The following ROBO2 variants were observed in gnomAD, a reference collection of about 807,000 sequenced individuals.
The protein encoded by ROBO2 is roundabout guidance receptor 2, also known as roundabout homolog 2.
In ROBO2, 53 loss-of-function variants were observed where a neutral mutation model predicts 160.8. The ratio of observed to expected loss-of-function variants is 0.33; its 90% confidence interval spans 0.26 to 0.41. The LOEUF (loss-of-function observed/expected upper bound fraction) is 0.41. Among genes scored for constraint, ROBO2 ranks in the 10% least tolerant of loss-of-function variants. ROBO2 has a pLI of 1.00. For missense variants in ROBO2, 1,577 were observed against 1,722.4 expected (o/e 0.92, Z 1.49); for synonymous variants, 664 against 611.7 (o/e 1.09, Z -1.26).
chr3:76,481,914 T>A (rs1260610736), intron 2 of ROBO2, among the ~76,000 whole-genome samples: 4 of 152,108 alleles, frequency 2.6e-5, no homozygotes, highest in Non-Finnish European at 5.9e-5. Context: ...AACAGTTACT[T>A]GTTCTCACCA....
At chr3:75,981,192 C>G (rs2065264584) in intron 2 of ROBO2, among the ~76,000 whole-genome samples, 1 of 151,454 alleles carries the variant, frequency 6.6e-6, no homozygotes, top group South Asian at 2.1e-4. Context: ...AGAGCATTAG[C>G]TTCACAGTGG....
intron 13 of ROBO2, among the ~76,000 whole-genome samples, chr3:77,572,636 AAC>A (rs71104692): frequency 0.1 from 14,807 of 146,214 alleles, 850 homozygotes; most frequent in East Asian, 0.15. Flanking sequence ...CGTACATAGA[AAC>A]ACACACACAC....
intron 2 of ROBO2, among the ~76,000 whole-genome samples, chr3:76,086,291 G>A (rs555278499): frequency 5.3e-5 from 8 of 152,180 alleles, no homozygotes; most frequent in East Asian, 1.9e-4. Flanking sequence ...AGGAGAATTC[G>A]CCCACTACCA....
chr3:76,232,283 GAAGAA>G (rs746027940), intron 2 of ROBO2, among the ~76,000 whole-genome samples: 7 of 152,306 alleles, frequency 4.6e-5, no homozygotes, highest in Non-Finnish European at 1.0e-4. Flanking sequence ...CTTGAGAAGA[GAAGAA>G]AAGACTAGAA....
chr3:77,640,096 C>CTTTTTTTTTTTTTTTTTTTT (rs1559785171), intron 24 of ROBO2, among the ~76,000 whole-genome samples: 2 of 97,476 alleles, frequency 2.1e-5, no homozygotes. Context: ...GCAGAGGAAG[C>CTTTTTTTTTTTTTTTTTTTT]ATTTTTTTTT....
At position 77,596,744 on chromosome 3, in the gene ROBO2, C is replaced by T. The variant is rs773193348; in HGVS notation, c.2848C>T (p.Arg950Cys). Residue 950 changes from arginine (R) to cysteine (C), a missense_variant, in exon 19 of 26, where the codon CGT (arginine) becomes TGT (cysteine). Around this residue, in one of 2 missense-constraint regions of ROBO2, gnomAD observed 637 missense variants for 586.9 expected, o/e 1.09. Transcript: ENST00000461745. ...CCCAAATGAGATTGGAAATTTTGGC[C>T]GTGGAGGTAAGTTGTGTTTTTTAAA... is the stretch of plus-strand genomic sequence containing the variant. 49 of 1,612,856 alleles carry T rather than the reference C, an allele frequency of 3.0e-5. No individual in the cohort carries two copies. Among genetic ancestry groups the T allele is most frequent in the South Asian group, 2.6e-4 (24 of 91,042 alleles).
At position 76,219,791 on chromosome 3, in the gene ROBO2, T is replaced by A. The variant is rs914129950; in HGVS notation, c.109+282189T>A. Among the ~76,000 whole-genome samples, 41 of 152,260 alleles carry A rather than the reference T, an allele frequency of 2.7e-4. 1 individual carries two copies. The highest frequency in any genetic ancestry group is 4.6e-4 in the Admixed American group (7 of 15,290). On this transcript the variant is annotated intron_variant, in intron 2 of 26. Coordinates refer to the ROBO2 transcript ENST00000487694. ...TGGCAATTCCTCAGGGATCTAGAAC[T>A]AGAAATACCATTTGACTTAGCCATC...
chr3:77,297,740 T>C (rs7427921), intron 2 of ROBO2, among the ~76,000 whole-genome samples: 5,478 of 152,264 alleles, frequency 0.036, 329 homozygotes, highest in African/African-American at 0.12. Context: ...TTCTAGACGC[T>C]AGTTAACACT....
chr3:76,371,800 A>C (rs1438806549), intron 2 of ROBO2, among the ~76,000 whole-genome samples: 1 of 151,886 alleles, frequency 6.6e-6, no homozygotes, highest in Non-Finnish European at 1.5e-5. Context: ...TATAATATTA[A>C]ATTTACTAAG....
At chr3:76,242,545 T>C in intron 2 of ROBO2, among the ~76,000 whole-genome samples, 1 of 152,122 alleles carries the variant, frequency 6.6e-6, no homozygotes, top group East Asian at 1.9e-4. Flanking sequence ...GCCCTTCATG[T>C]CCCTTCTCCT....
At chr3:77,366,706 C>T (rs963426857) in intron 2 of ROBO2, among the ~76,000 whole-genome samples, 2 of 151,982 alleles carry the variant, frequency 1.3e-5, no homozygotes, top group Admixed American at 6.6e-5. Flanking sequence ...TCTGCTTCCA[C>T]TTATGGCAGA....
At chr3:76,268,236 C>G (rs1433271206) in intron 2 of ROBO2, among the ~76,000 whole-genome samples, 1 of 152,012 alleles carries the variant, frequency 6.6e-6, no homozygotes, top group Non-Finnish European at 1.5e-5. Context: ...TGCCATTGCA[C>G]CCCATCCTGG....
At chr3:76,756,468 A>G (rs2060977195) in intron 2 of ROBO2, among the ~76,000 whole-genome samples, 1 of 151,860 alleles carries the variant, frequency 6.6e-6, no homozygotes, top group Admixed American at 6.6e-5. Context: ...TTTGGGGTGA[A>G]AAAGTAGTAT....
rs555558282 is a variant in ROBO2, at chr3:76,718,154, A to G, written c.110-379860A>G. Among the ~76,000 whole-genome samples, 6 of 152,330 alleles carry G rather than the reference A, an allele frequency of 3.9e-5. No individual in the cohort carries two copies. The East Asian group carries it at 1.2e-3, about 29-fold the overall frequency. Reference sequence around the variant, plus strand: ...ACAGGATTATCTCTATAACAACTCTATATGGAAACATTAACCCACAACAGG... The same window carrying G: ...ACAGGATTATCTCTATAACAACTCTGTATGGAAACATTAACCCACAACAGG... On this transcript the variant is annotated intron_variant, in intron 2 of 26. Transcript: ENST00000487694.
At chr3:76,320,837 A>T (rs977846458) in intron 2 of ROBO2, among the ~76,000 whole-genome samples, 1 of 152,202 alleles carries the variant, frequency 6.6e-6, no homozygotes, top group Non-Finnish European at 1.5e-5. Flanking sequence ...TTAGATGAAG[A>T]TCTTTACTGA....
chr3:77,293,778 G>A (rs1428048416), intron 2 of ROBO2, among the ~76,000 whole-genome samples: 4 of 141,520 alleles, frequency 2.8e-5, no homozygotes, highest in African/African-American at 1.1e-4. Flanking sequence ...AAGTAAAATT[G>A]ATGGTTAAAC....
chr3:76,159,819 G>C (rs935992628), intron 2 of ROBO2, among the ~76,000 whole-genome samples: 13 of 152,138 alleles, frequency 8.5e-5, no homozygotes, highest in African/African-American at 2.9e-4. Context: ...TAGGAATGTA[G>C]TCTTTTTTAG....
intron 20 of ROBO2, 25 bp downstream of exon 21, chr3:77,602,516 G>T: frequency 6.2e-7 from 1 of 1,612,682 alleles, no homozygotes; most frequent in South Asian, 1.1e-5. Context: ...TGTGTCCTGA[G>T]GAGGTATTTT....
At chr3:77,576,156 A>G (rs1419153183) in intron 14 of ROBO2, among the ~76,000 whole-genome samples, 1 of 152,122 alleles carries the variant, frequency 6.6e-6, no homozygotes, top group Non-Finnish European at 1.5e-5. Context: ...AGGCTCGTAG[A>G]CAAGTGGTTG....
Sources: allele counts gnomAD v4.1 joint callset (sites outside exome capture counted in the v4.1 genomes callset), GRCh38; gene constraint gnomAD v4.1.1; regional missense constraint gnomAD v4.1.1; transcripts MANE v1.5; gene names NCBI Gene and HGNC (gene_info 2026-07-23, HGNC 2026-07-21).